The following DSCAM variants were observed in gnomAD, a reference collection of about 807,000 sequenced individuals.
DSCAM encodes DS cell adhesion molecule, also known as cell adhesion molecule DSCAM.
A neutral mutation model predicts 217.7 loss-of-function variants in DSCAM; 47 were observed. That is an observed-to-expected ratio of 0.22 (90% confidence interval 0.17 to 0.28). The LOEUF is 0.28. Among genes scored for constraint, DSCAM ranks in the 10% least tolerant of loss-of-function variants. The pLI, the probability that DSCAM is intolerant of heterozygous loss-of-function variation, is 1.00. For synonymous variants in DSCAM, 1,056 were observed against 1,015.3 expected (o/e 1.04, Z -0.76); for missense variants, 2,080 against 2,618.3 (o/e 0.79, Z 4.49).
chr21:40,438,464 G>A (rs1044720688), intron 3 of DSCAM, among the ~76,000 whole-genome samples: 17 of 152,232 alleles, frequency 1.1e-4, no homozygotes, highest in South Asian at 6.2e-4. Context: ...GCAATAATCC[G>A]ACATAAAGCA....
chr21:40,810,976 C>T (rs1016147278), intron 1 of DSCAM, among the ~76,000 whole-genome samples: 1 of 152,174 alleles, frequency 6.6e-6, no homozygotes, highest in African/African-American at 2.4e-5. Flanking sequence ...TGAGAGGCTA[C>T]ACCATGATGG....
chr21:40,565,592 C>A (rs1021791013), intron 3 of DSCAM, among the ~76,000 whole-genome samples: 1 of 152,184 alleles, frequency 6.6e-6, no homozygotes, highest in Non-Finnish European at 1.5e-5. Flanking sequence ...TTCTAAATAG[C>A]TTCTGAATTA....
chr21:40,109,775 G>A (rs1015393396), intron 20 of DSCAM, among the ~76,000 whole-genome samples: 3 of 152,172 alleles, frequency 2.0e-5, no homozygotes, highest in African/African-American at 2.4e-5. Flanking sequence ...ATTATATCCT[G>A]TGCCTTGCTT....
intron 11 of DSCAM, among the ~76,000 whole-genome samples, chr21:40,226,606 G>C (rs1411581874): frequency 1.3e-5 from 2 of 152,144 alleles, no homozygotes; most frequent in Non-Finnish European, 2.9e-5. Context: ...AGACCTCATT[G>C]TGTCAGGCTG....
chr21:40,472,239 G>A (rs1391636591), intron 3 of DSCAM, among the ~76,000 whole-genome samples: 2 of 152,086 alleles, frequency 1.3e-5, no homozygotes, highest in Non-Finnish European at 2.9e-5. Context: ...GCATAAATAC[G>A]GTGAATGTGG....
At chr21:40,684,312 A>G (rs1458510777) in intron 3 of DSCAM, among the ~76,000 whole-genome samples, 3 of 152,172 alleles carry the variant, frequency 2.0e-5, no homozygotes, top group Non-Finnish European at 2.9e-5. Flanking sequence ...CTGACGGTGG[A>G]GAAGGGAAGC....
chr21:40,830,576 G>A (rs576238970), intron 1 of DSCAM, among the ~76,000 whole-genome samples: 2 of 152,314 alleles, frequency 1.3e-5, no homozygotes, highest in African/African-American at 4.8e-5. Context: ...AGGAGTTCTG[G>A]AATTAGACTG....
At chr21:40,662,867 C>A (rs1272240735) in intron 3 of DSCAM, among the ~76,000 whole-genome samples, 1 of 152,080 alleles carries the variant, frequency 6.6e-6, no homozygotes, top group Non-Finnish European at 1.5e-5. Flanking sequence ...GTAGTTTCAG[C>A]GACGCAGTCC....
rs2090929524 is a variant in DSCAM, at chr21:40,189,241, GA to G, written c.2357-4del. The stretch of plus-strand genomic sequence containing the variant: ...ATAGGATGTTATCATCGCAGGAACT[GA>G]AAAAGCAAAAGGGACACAACTTGTT... On this transcript the variant is annotated splice_region_variant and splice_polypyrimidine_tract_variant and intron_variant, in intron 11 of 32. Transcript: ENST00000400454. The G allele has an allele frequency of 6.4e-7, 1 of 1,559,868 alleles. No homozygotes were observed. The highest frequency in any genetic ancestry group is 1.2e-5 in the South Asian group (1 of 81,926).
chr21:40,198,713 G>A (rs575142068), intron 11 of DSCAM, among the ~76,000 whole-genome samples: 20 of 152,222 alleles, frequency 1.3e-4, no homozygotes, highest in Non-Finnish European at 1.9e-4. Context: ...GCTCCAGGGG[G>A]CAGGAAAGTG....
At chr21:40,343,468 G>T (rs1306797219) in intron 6 of DSCAM, among the ~76,000 whole-genome samples, 2 of 152,182 alleles carry the variant, frequency 1.3e-5, no homozygotes, top group African/African-American at 4.8e-5. Context: ...TAGAGTCTCA[G>T]TTTGCTAGAA....
intron 3 of DSCAM, among the ~76,000 whole-genome samples, chr21:40,624,192 C>A (rs1486316288): frequency 6.6e-6 from 1 of 152,168 alleles, no homozygotes; most frequent in Non-Finnish European, 1.5e-5. Flanking sequence ...CTACACATCT[C>A]ATTTTCCCAT....
Position 40,688,005 on chromosome 21 carries a change from G to C in DSCAM, c.508+4805C>G, listed in dbSNP as rs571343312. Among the ~76,000 whole-genome samples the C allele has an allele frequency of 1.3e-4, 20 of 152,278 alleles. No individual in the cohort carries two copies. In the East Asian group the frequency reaches 3.9e-3, roughly 29 times the overall value. ...TGATATTTCATGTGGGCAGAAAATT[G>C]TTCACGTTTAGCCAAAATACAGAAA... On this transcript the variant is annotated intron_variant, in intron 3 of 32. Coordinates refer to ENST00000400454, the MANE Select transcript of DSCAM (RefSeq NM_001389.5).
Position 40,846,144 on chromosome 21 carries a change from A to ATACAT in DSCAM, c.43+470_43+474dup, listed in dbSNP as rs2092143240. Among the ~76,000 whole-genome samples the ATACAT allele has an allele frequency of 2.6e-5, 4 of 152,228 alleles. No individual in the cohort carries two copies. In the South Asian group the frequency reaches 8.3e-4, roughly 32 times the overall value. On this transcript the variant is annotated intron_variant, in intron 1 of 32. Transcript: ENST00000400454. ...CTTAAAGCCCTCCTTGGTGCTGGAG[A>ATACAT]TACATTGTACTAGCATGAAATTACG...
At chr21:40,574,270 A>G (rs1011192381) in intron 3 of DSCAM, among the ~76,000 whole-genome samples, 1 of 152,218 alleles carries the variant, frequency 6.6e-6, no homozygotes, top group African/African-American at 2.4e-5. Flanking sequence ...AAAAAGAATA[A>G]CAGGTCATGA....
intron 16 of DSCAM, among the ~76,000 whole-genome samples, chr21:40,156,011 T>A (rs1376120640): frequency 1.3e-5 from 2 of 151,896 alleles, no homozygotes; most frequent in African/African-American, 4.8e-5. Context: ...CTGTCTACCC[T>A]GTAGGTCCTT....
chr21:40,735,388 T>C (rs772175365), intron 1 of DSCAM, among the ~76,000 whole-genome samples: 8 of 152,220 alleles, frequency 5.3e-5, no homozygotes, highest in Non-Finnish European at 8.8e-5. Context: ...TGCCACAGTG[T>C]TTAAAACACA....
intron 3 of DSCAM, among the ~76,000 whole-genome samples, chr21:40,556,253 G>A (rs2076670816): frequency 6.6e-6 from 1 of 152,066 alleles, no homozygotes; most frequent in Non-Finnish European, 1.5e-5. Flanking sequence ...AAAAATATAT[G>A]TATAAATTTT....
chr21:40,222,478 G>C (rs1569008316), intron 11 of DSCAM, among the ~76,000 whole-genome samples: 1 of 152,154 alleles, frequency 6.6e-6, no homozygotes, highest in Non-Finnish European at 1.5e-5. Flanking sequence ...GAGTATCAAA[G>C]AGCAATAGCC....
Sources: allele counts gnomAD v4.1 joint callset (sites outside exome capture counted in the v4.1 genomes callset), GRCh38; gene constraint gnomAD v4.1.1; transcripts MANE v1.5; gene names NCBI Gene and HGNC (gene_info 2026-07-23, HGNC 2026-07-21).